Variants in KHDRBS1 observed in about 807,000 individuals in gnomAD.
KHDRBS1 encodes the protein KH RNA binding domain containing, signal transduction associated 1, also known as KH domain-containing, RNA-binding, signal transduction-associated protein 1.
KHDRBS1 carries 7 observed loss-of-function variants against 48.4 expected under a neutral mutation model. The ratio of observed to expected loss-of-function variants is 0.14; its 90% CI spans 0.08 to 0.27. KHDRBS1 has a LOEUF of 0.27. Ranked by LOEUF, KHDRBS1 falls within the 10% of genes least tolerant of loss-of-function variation. KHDRBS1 has a pLI of 1.00. For synonymous variants in KHDRBS1, 241 were observed against 235.8 expected (o/e 1.02, Z -0.20); for missense variants, 458 against 601.2 (o/e 0.76, Z 2.49).
rs1286264038 is a variant in KHDRBS1, at chr1:32,059,181, AAAAC to A, written n.1302-978_1302-975del. Among the ~76,000 whole-genome samples the A allele has an allele frequency of 2.5e-3, 380 of 151,216 alleles. 2 individuals carry two copies. Among genetic ancestry groups the A allele is most frequent in the African/African-American group, 8.6e-3 (354 of 41,074 alleles). ...GTCTCAGGAGAAAAAAAAAAAAAAAAAAACAAAACCTTTTAGGCGATAGAATGAA... is the reference window on the plus strand; with the variant it reads ...GTCTCAGGAGAAAAAAAAAAAAAAAAAAAACCTTTTAGGCGATAGAATGAA... On this transcript the variant is annotated intron_variant and non_coding_transcript_variant, in intron 10 of 10. Transcript: ENST00000484270.
chr1:32,038,338 C>T (rs1374701159), intron 6 of KHDRBS1, among the ~76,000 whole-genome samples: 1 of 152,138 alleles, frequency 6.6e-6, no homozygotes, highest in Non-Finnish European at 1.5e-5. Context: ...ACTTCCTGCC[C>T]ACACTTCTTC....
At chr1:32,050,514 T>C (rs1156672759) in intron 10 of KHDRBS1, among the ~76,000 whole-genome samples, 1 of 152,090 alleles carries the variant, frequency 6.6e-6, no homozygotes, top group Non-Finnish European at 1.5e-5. Flanking sequence ...TTTGTTTGTT[T>C]GTTTGTTTGT....
intron 1 of KHDRBS1, among the ~76,000 whole-genome samples, chr1:32,018,129 A>T (rs1480835912): frequency 2.6e-5 from 4 of 152,130 alleles, no homozygotes. Flanking sequence ...AGACCTTCCC[A>T]GTTCATTCTA....
intron 10 of KHDRBS1, among the ~76,000 whole-genome samples, chr1:32,057,934 T>C (rs1330250402): frequency 6.7e-6 from 1 of 150,112 alleles, no homozygotes; most frequent in Non-Finnish European, 1.5e-5. Flanking sequence ...CTGGCCAACA[T>C]GGTGAAACCC....
chr1:32,014,426 T>C (rs1022601780), intron 1 of KHDRBS1, 49 bp downstream of exon 1: 3 of 1,288,036 alleles, frequency 2.3e-6, no homozygotes, highest in Non-Finnish European at 3.0e-6. Context: ...ATCCCGGGCA[T>C]GAGTGGCCCT....
chr1:32,023,949 A>T (rs1052609405), intron 1 of KHDRBS1, among the ~76,000 whole-genome samples: 10 of 152,216 alleles, frequency 6.6e-5, no homozygotes, highest in Admixed American at 1.3e-4. Context: ...CAATAGGAAA[A>T]GCATGAAATT....
intron 1 of KHDRBS1, among the ~76,000 whole-genome samples, chr1:32,014,580 C>T (rs1428335106): frequency 6.6e-6 from 1 of 152,196 alleles, no homozygotes; most frequent in African/African-American, 2.4e-5. Flanking sequence ...AGTGGAGGCC[C>T]GAAGGCGACT....
At chr1:32,023,481 T>G (rs72876675) in intron 1 of KHDRBS1, among the ~76,000 whole-genome samples, 3,885 of 152,272 alleles carry the variant, frequency 0.026, 156 homozygotes, top group African/African-American at 0.088. Flanking sequence ...GGATAAGATA[T>G]GATTATTCTG....
At chr1:32,036,139 A>G (rs1162328402) in intron 4 of KHDRBS1, among the ~76,000 whole-genome samples, 1 of 133,904 alleles carries the variant, frequency 7.5e-6, no homozygotes, top group Non-Finnish European at 1.6e-5. Flanking sequence ...AGATCTGCCT[A>G]CTTATTTCAG....
chr1:32,028,993 G>A (rs970227187), intron 1 of KHDRBS1, among the ~76,000 whole-genome samples: 4 of 152,060 alleles, frequency 2.6e-5, no homozygotes, highest in African/African-American at 7.2e-5. Flanking sequence ...TCGCTCTATT[G>A]TATCTCCTGT....
intron 1 of KHDRBS1, among the ~76,000 whole-genome samples, chr1:32,021,465 A>G (rs1025199961): frequency 2.0e-4 from 31 of 152,206 alleles, no homozygotes; most frequent in Non-Finnish European, 1.2e-4. Flanking sequence ...AATTTGATAA[A>G]TAAAACAAAT....
chr1:32,020,022 C>T (rs1046671544), intron 1 of KHDRBS1, among the ~76,000 whole-genome samples: 3 of 152,090 alleles, frequency 2.0e-5, no homozygotes, highest in Non-Finnish European at 4.4e-5. Flanking sequence ...CCCTCTTCAG[C>T]CTCCCAAAGT....
chr1:32,060,192 C>T (rs1289637066), exon 11 of KHDRBS1: 1 of 152,198 alleles, frequency 6.6e-6, no homozygotes, highest in Non-Finnish European at 1.5e-5. Context: ...ACCTGGAGAG[C>T]TACCTGCTGT....
intron 5 of KHDRBS1, 65 bp from the exon 6 acceptor site, chr1:32,037,770 A>C: frequency 2.6e-6 from 4 of 1,556,498 alleles, no homozygotes; most frequent in South Asian, 2.2e-5. Context: ...ATTTGTAAAC[A>C]AATCAGAACA....
At chr1:32,023,910 C>T (rs186325348) in intron 1 of KHDRBS1, among the ~76,000 whole-genome samples, 1 of 152,208 alleles carries the variant, frequency 6.6e-6, no homozygotes, top group Admixed American at 6.5e-5. Flanking sequence ...ATAAAGTGTG[C>T]CCCCCACAAA....
At chr1:32,038,706 C>A in intron 7 of KHDRBS1, 87 bp downstream of exon 7, 1 of 1,300,666 alleles carries the variant, frequency 7.7e-7, no homozygotes, top group Non-Finnish European at 1.1e-6. Flanking sequence ...CAGTACAACC[C>A]TAAGGAGCAG....
intron 10 of KHDRBS1, among the ~76,000 whole-genome samples, chr1:32,055,709 G>A (rs1244421733): frequency 6.6e-6 from 1 of 152,054 alleles, no homozygotes; most frequent in Non-Finnish European, 1.5e-5. Flanking sequence ...GGCTCTTCAA[G>A]GCCCCTTAGG....
intron 3 of KHDRBS1, among the ~76,000 whole-genome samples, chr1:32,032,700 T>A (rs1338261962): frequency 6.6e-6 from 1 of 151,358 alleles, no homozygotes; most frequent in Non-Finnish European, 1.5e-5. Context: ...GAGTTTGTTT[T>A]ACTTTTTTTT....
intron 8 of KHDRBS1, among the ~76,000 whole-genome samples, chr1:32,042,232 G>A (rs1363770401): frequency 6.6e-6 from 1 of 152,178 alleles, no homozygotes; most frequent in Non-Finnish European, 1.5e-5. Flanking sequence ...TCCAGGTTTG[G>A]GGACTGGCGT....
Sources: gnomAD v4.1 joint callset for allele counts (sites outside exome capture counted in the v4.1 genomes callset) on GRCh38, gnomAD v4.1.1 for gene constraint, MANE v1.5 for transcripts, NCBI Gene and HGNC (gene_info 2026-07-23, HGNC 2026-07-21) for gene names.